The following CHST15 variants were observed in gnomAD, a reference collection of about 807,000 sequenced individuals.
CHST15 encodes B cell RAG associated protein (GALNAC4S-6ST).
Under a neutral mutation model 53.6 loss-of-function variants are expected in CHST15, and 30 were observed. That is an observed-to-expected ratio of 0.56 (90% CI 0.42 to 0.76). The LOEUF is 0.76. Ranked by LOEUF, CHST15 falls within the 30% of genes least tolerant of loss-of-function variation. The pLI is 0.00. For synonymous variants in CHST15, 296 were observed against 289.8 expected, an observed-to-expected ratio of 1.02 and a Z score of -0.22; for missense variants, 627 against 740.5, an observed-to-expected ratio of 0.85 and a Z score of 1.78.
chr10:124,008,638 GAAC>G lies in CHST15; in HGVS notation c.*1508_*1510del. On this transcript the variant is annotated 3_prime_UTR_variant, in exon 8 of 8. Transcript: ENST00000435907. ...AGACAACACCAGCAGAAAGACGGCT[GAAC>G]AACTGCAGATCCTCCTACCCCCGAA... 2 of 1,031,094 alleles carry G rather than the reference GAAC, an allele frequency of 1.9e-6. No individual in the cohort carries two copies. Among genetic ancestry groups the G allele is most frequent in the Non-Finnish European group, 2.3e-6 (2 of 854,878 alleles). The allele number at this position is 1,031,094 out of a possible 1,614,324, so 63.9% of individuals were successfully genotyped here.
intron 1 of CHST15, among the ~76,000 whole-genome samples, chr10:124,053,574 A>G (rs938282276): frequency 6.6e-6 from 1 of 151,158 alleles, no homozygotes; most frequent in Non-Finnish European, 1.5e-5. Flanking sequence ...ACTCACTGCA[A>G]CCTCTGCCTC....
rs761789617 is a variant in CHST15 at position 124,012,366 on chromosome 10, T to C, written c.1462A>G (p.Thr488Ala). 11 of 1,613,918 alleles carry C rather than the reference T, an allele frequency of 6.8e-6. No homozygotes were observed. The highest frequency in any genetic ancestry group is 2.2e-5 in the East Asian group (1 of 44,864). The change falls in exon 7 of 8, where the codon ACC (threonine) becomes GCC (alanine). Residue 488 changes from threonine (T) to alanine (A), a missense_variant. Thr to Ala is a moderately conservative substitution (Grantham distance 58, BLOSUM62 0). Transcript: ENST00000435907. ...AGAAACTGGAAGACCTTGTGCATGG[T>C]GTACTTGACGTTGGATGCATGATCT... ...LEDHASNVKYTMHKVFQFLNL... is the reference protein window; with the variant it reads ...LEDHASNVKYAMHKVFQFLNL...
chr10:124,045,112 CAAAAAAAAAAAAAAAAAAAAAAAAAA>C (rs758243657), intron 2 of CHST15, among the ~76,000 whole-genome samples, 193 bp from the exon 3 acceptor site: 3 of 33,800 alleles, frequency 8.9e-5, no homozygotes, highest in African/African-American at 2.3e-4. Flanking sequence ...CGCCGCCCCA[CAAAAAAAAAAAAAAAAAAAAAAAAAA>C]AAAAAACTTG....
At chr10:124,082,581 G>A (rs996829639) in intron 1 of CHST15, among the ~76,000 whole-genome samples, 3 of 152,164 alleles carry the variant, frequency 2.0e-5, no homozygotes, top group African/African-American at 7.2e-5. Context: ...CCCTAGAAAC[G>A]GAAACACATG....
In CHST15 at chr10:124,007,688, C is replaced by T. The variant is rs28425468; in HGVS notation, c.*2461G>A. 8,524 of 1,219,336 alleles carry T rather than the reference C, an allele frequency of 7.0e-3. 243 individuals carry two copies. In the African/African-American group the frequency reaches 0.074, roughly 11 times the overall value. 75.5% of individuals were successfully genotyped at this position (1,219,336 alleles called of 1,614,324 possible). On this transcript the variant is annotated 3_prime_UTR_variant, in exon 8 of 8. Transcript: ENST00000435907. ...AGAGCTTGGCTGCAGAGGAAGAGCA[C>T]GCGCTCCACAGGCGTCACTCTTATG... is the stretch of plus-strand genomic sequence containing the variant.
At chr10:124,038,117 T>A (rs368652285) in intron 5 of CHST15, among the ~76,000 whole-genome samples, 2 of 151,526 alleles carry the variant, frequency 1.3e-5, no homozygotes, top group South Asian at 2.1e-4. Context: ...TATTTTATTT[T>A]TTTTTTTGAG....
intron 1 of CHST15, among the ~76,000 whole-genome samples, chr10:124,088,473 C>T (rs1350018072): frequency 1.3e-5 from 2 of 152,236 alleles, no homozygotes; most frequent in African/African-American, 4.8e-5. Flanking sequence ...AGATGAGAAA[C>T]TGCTTCCCAC....
chr10:124,056,301 G>T (rs1414407627), intron 1 of CHST15, among the ~76,000 whole-genome samples: 2 of 152,214 alleles, frequency 1.3e-5, no homozygotes, highest in Admixed American at 1.3e-4. Context: ...ACAGGAAGGT[G>T]AGGGAAGCAT....
intron 1 of CHST15, among the ~76,000 whole-genome samples, chr10:124,081,339 T>TGCATGCACACACATGCAC (rs60081134): frequency 1.2e-4 from 18 of 150,832 alleles, no homozygotes; most frequent in African/African-American, 1.2e-4. Context: ...TCCAGGTCCA[T>TGCATGCACACACATGCAC]GCATGCACAC....
chr10:124,067,931 T>C (rs4073219), intron 1 of CHST15, among the ~76,000 whole-genome samples: 89,673 of 151,938 alleles, frequency 0.59, 26,804 homozygotes, highest in South Asian at 0.76. Context: ...CAGAAGTGAG[T>C]ATCATTTCCC....
chr10:124,056,392 T>C (rs1302935345), intron 1 of CHST15, among the ~76,000 whole-genome samples: 1 of 152,088 alleles, frequency 6.6e-6, no homozygotes, highest in Non-Finnish European at 1.5e-5. Flanking sequence ...GGGCATTGAG[T>C]CTTAACCTGT....
chr10:124,050,075 C>CT (rs1491108650), intron 1 of CHST15, among the ~76,000 whole-genome samples: 1 of 152,170 alleles, frequency 6.6e-6, no homozygotes, highest in East Asian at 1.9e-4. Context: ...AAACATAAAA[C>CT]TGTCTTACAT....
chr10:124,075,900 T>C (rs914533707), intron 1 of CHST15, among the ~76,000 whole-genome samples: 2 of 152,212 alleles, frequency 1.3e-5, no homozygotes, highest in Non-Finnish European at 2.9e-5. Flanking sequence ...GGGATTTTAT[T>C]TCCTTACCAA....
intron 5 of CHST15, among the ~76,000 whole-genome samples, chr10:124,028,080 G>C (rs1947080533): frequency 6.6e-6 from 1 of 152,228 alleles, no homozygotes; most frequent in African/African-American, 2.4e-5. Flanking sequence ...AAATGTAATA[G>C]AGTGGCAAAT....
chr10:124,069,377 C>A (rs1384414374), intron 1 of CHST15, among the ~76,000 whole-genome samples: 1 of 150,236 alleles, frequency 6.7e-6, no homozygotes, highest in East Asian at 1.9e-4. Flanking sequence ...ACCCCCCCCC[C>A]AACTATTGGT....
intron 3 of CHST15, 86 bp downstream of exon 3, chr10:124,044,493 GC>G (rs1184812035): frequency 3.6e-6 from 4 of 1,124,638 alleles, no homozygotes; most frequent in Non-Finnish European, 1.2e-6. Flanking sequence ...TGCCGCCCTC[GC>G]CCCCCAACCC....
At chr10:124,049,537 G>T (rs80098905) in intron 1 of CHST15, among the ~76,000 whole-genome samples, 2,448 of 152,282 alleles carry the variant, frequency 0.016, 72 homozygotes, top group African/African-American at 0.056. Context: ...TAACCAATCA[G>T]GCCTTTGTAA....
chr10:124,060,615 C>T (rs928936365), intron 1 of CHST15, among the ~76,000 whole-genome samples: 1 of 144,576 alleles, frequency 6.9e-6, no homozygotes, highest in Non-Finnish European at 1.5e-5. Flanking sequence ...GGCATGTGGG[C>T]ATGTGGAGGT....
At chr10:124,055,509 T>C (rs1948347067) in intron 1 of CHST15, among the ~76,000 whole-genome samples, 1 of 152,156 alleles carries the variant, frequency 6.6e-6, no homozygotes, top group Admixed American at 6.5e-5. Context: ...TGTCCAATTT[T>C]CCTGTCTGCC....
Sources: allele counts gnomAD v4.1 joint callset (sites outside exome capture counted in the v4.1 genomes callset), GRCh38; gene constraint gnomAD v4.1.1; transcripts MANE v1.5; gene names NCBI Gene and HGNC (gene_info 2026-07-23, HGNC 2026-07-21).